The following USH2A variants were observed in gnomAD, a reference collection of about 807,000 sequenced individuals.
USH2A encodes the protein Usher syndrome 2A (autosomal recessive, mild).
A neutral mutation model predicts 538.9 loss-of-function variants in USH2A; 443 were observed. That is an observed-to-expected ratio of 0.82 (90% CI 0.76 to 0.89). The LOEUF is 0.89. USH2A is among the 40% of genes least tolerant of loss of function. The pLI is 0.00. For synonymous variants in USH2A, 2,413 were observed against 2,273.5 expected, an observed-to-expected ratio of 1.06 and a Z score of -1.75; for missense variants, 6,633 against 6,324.8, an observed-to-expected ratio of 1.05 and a Z score of -1.65.
chr1:215,856,235 C>G (rs1299688471), intron 44 of USH2A, among the ~76,000 whole-genome samples: 1 of 152,216 alleles, frequency 6.6e-6, no homozygotes, highest in African/African-American at 2.4e-5. Context: ...AAATAACCAG[C>G]AGAGTAAATA....
intron 38 of USH2A, among the ~76,000 whole-genome samples, chr1:215,931,578 A>G (rs1003825519): frequency 6.6e-6 from 1 of 152,034 alleles, no homozygotes; most frequent in African/African-American, 2.4e-5. Flanking sequence ...TGGTGTACAG[A>G]GAAGGTCTCT....
intron 60 of USH2A, 98 bp from the exon 61 acceptor site, chr1:215,728,482 CTT>C: frequency 8.2e-7 from 1 of 1,224,340 alleles, no homozygotes; most frequent in Non-Finnish European, 1.2e-6. Context: ...TTGTTATCAA[CTT>C]AACTTTTCAG....
intron 60 of USH2A, among the ~76,000 whole-genome samples, chr1:215,736,099 C>T (rs1660149192): frequency 6.6e-6 from 1 of 152,146 alleles, no homozygotes; most frequent in South Asian, 2.1e-4. Context: ...ACAAATGCCA[C>T]ACTCTTTCCA....
At chr1:216,345,394 G>A (rs1262017427) in intron 4 of USH2A, among the ~76,000 whole-genome samples, 2 of 152,066 alleles carry the variant, frequency 1.3e-5, no homozygotes, top group Non-Finnish European at 2.9e-5. Context: ...ATTTTCCTTT[G>A]TGTTGCAGCT....
chr1:215,959,738 A>G (rs1323641382), intron 37 of USH2A, among the ~76,000 whole-genome samples: 3 of 152,074 alleles, frequency 2.0e-5, no homozygotes, highest in Non-Finnish European at 4.4e-5. Context: ...GGGGATTAGG[A>G]GAAAGAGACA....
At chr1:216,023,159 C>G (rs890068318) in intron 32 of USH2A, among the ~76,000 whole-genome samples, 8 of 152,088 alleles carry the variant, frequency 5.3e-5, no homozygotes, top group Middle Eastern at 3.4e-3. Flanking sequence ...TAGGAAAATT[C>G]AAGATAAATC....
At chr1:215,726,418 G>A (rs1659818973) in intron 61 of USH2A, among the ~76,000 whole-genome samples, 1 of 152,030 alleles carries the variant, frequency 6.6e-6, no homozygotes, top group Non-Finnish European at 1.5e-5. Flanking sequence ...TTTACATATT[G>A]CTTATTTTTT....
At chr1:216,226,151 C>A (rs1231580730) in intron 14 of USH2A, among the ~76,000 whole-genome samples, 1 of 152,130 alleles carries the variant, frequency 6.6e-6, no homozygotes, top group Non-Finnish European at 1.5e-5. Flanking sequence ...GAGAAGCAAT[C>A]ATAAATCAGT....
chr1:216,203,950 TG>T, intron 16 of USH2A: 1 of 160,448 alleles, frequency 6.2e-6, no homozygotes. Context: ...ACTGTGAATC[TG>T]GGGAGTCAGG....
At chr1:216,136,134 C>T (rs2033482876) in intron 21 of USH2A, among the ~76,000 whole-genome samples, 1 of 152,126 alleles carries the variant, frequency 6.6e-6, no homozygotes, top group Non-Finnish European at 1.5e-5. Context: ...GTGGTTATTA[C>T]TGTAAATGTA....
rs111033514 is a variant in USH2A at position 216,048,563 on chromosome 1, T to A, written c.6134A>T (p.His2045Leu). The A allele has an allele frequency of 1.1e-5, 17 of 1,613,990 alleles. No homozygotes were observed. The highest frequency in any genetic ancestry group is 3.3e-5 in the Admixed American group (2 of 60,000). ...CTLAGCTESS[H>L]ALNISTPQEA... Reference sequence around the variant, plus strand: ...TTGTGGAGTAGAGATGTTCAATGCATGTGAGCTCTCAGTACAGCCAGCCAA... The same window carrying A: ...TTGTGGAGTAGAGATGTTCAATGCAAGTGAGCTCTCAGTACAGCCAGCCAA... Residue 2045 changes from histidine (H) to leucine (L), a missense_variant, in exon 31 of 72, where the codon CAT becomes CTT. Transcript: ENST00000307340.
At chr1:215,639,265 G>C in intron 68 of USH2A, 27 bp from the exon 69 acceptor site, 1 of 1,610,028 alleles carries the variant, frequency 6.2e-7, no homozygotes, top group East Asian at 2.2e-5. Context: ...ACTGGTAAAT[G>C]ACTTGTTCAT....
At chr1:216,011,931 A>G (rs573503562) in intron 32 of USH2A, among the ~76,000 whole-genome samples, 17 of 131,260 alleles carry the variant, frequency 1.3e-4, no homozygotes, top group African/African-American at 4.9e-4. Context: ...CCATTTCCCC[A>G]TATTTCCTTC....
chr1:216,211,110 C>T (rs1421994060), intron 15 of USH2A, among the ~76,000 whole-genome samples: 1 of 152,118 alleles, frequency 6.6e-6, no homozygotes, highest in African/African-American at 2.4e-5. Flanking sequence ...CTCAGCTCCC[C>T]TTTCCACGTA....
At chr1:216,125,013 T>G (rs776104132) in intron 21 of USH2A, among the ~76,000 whole-genome samples, 34 of 152,164 alleles carry the variant, frequency 2.2e-4, no homozygotes, top group Non-Finnish European at 4.3e-4. Context: ...TATTACACAT[T>G]TCCTTGTTTT....
intron 69 of USH2A, among the ~76,000 whole-genome samples, chr1:215,635,884 TAGG>T (rs1184936859): frequency 9.4e-5 from 14 of 148,390 alleles, no homozygotes; most frequent in Non-Finnish European, 1.8e-4. Context: ...GTGGGGAAGA[TAGG>T]AGAGAGGCTG....
intron 41 of USH2A, among the ~76,000 whole-genome samples, chr1:215,883,457 T>G (rs1558143577): frequency 6.6e-6 from 1 of 151,942 alleles, no homozygotes; most frequent in Non-Finnish European, 1.5e-5. Context: ...ACTGAGTTTC[T>G]TTTTTTCTTT....
At chr1:216,049,090 AT>A (rs2030648360) in intron 30 of USH2A, among the ~76,000 whole-genome samples, 1 of 152,256 alleles carries the variant, frequency 6.6e-6, no homozygotes, top group African/African-American at 2.4e-5. Context: ...TAGGGCACCT[AT>A]TAACACACTT....
chr1:215,837,901 G>T, intron 47 of USH2A, 90 bp downstream of exon 47: 1 of 1,060,046 alleles, frequency 9.4e-7, no homozygotes, highest in South Asian at 1.3e-5. Context: ...CATTAAATGA[G>T]ATTGTCATGG....
Sources: allele counts gnomAD v4.1 joint callset (sites outside exome capture counted in the v4.1 genomes callset), GRCh38; gene constraint gnomAD v4.1.1; transcripts MANE v1.5; gene names NCBI Gene and HGNC (gene_info 2026-07-23, HGNC 2026-07-21).